The following STRBP variants were observed in gnomAD, a reference collection of about 807,000 sequenced individuals.
STRBP encodes the protein spermatid perinuclear RNA binding protein, also known as spermatid perinuclear RNA-binding protein.
Under a neutral mutation model 80.1 loss-of-function variants are expected in STRBP, and 13 were observed. The observed-to-expected ratio is 0.16, with a 90% CI of 0.11 to 0.26. STRBP has a LOEUF of 0.26. Ranked by LOEUF, STRBP falls within the 10% of genes least tolerant of loss-of-function variation. STRBP has a pLI of 1.00. For synonymous variants in STRBP, 284 were observed against 291.2 expected, an observed-to-expected ratio of 0.98 and a Z score of 0.25; for missense variants, 485 against 815.2, an observed-to-expected ratio of 0.59 and a Z score of 4.93.
chr9:123,146,566 G>T (rs1564234763), intron 13 of STRBP, among the ~76,000 whole-genome samples: 1 of 146,558 alleles, frequency 6.8e-6, no homozygotes, highest in Non-Finnish European at 1.5e-5. Context: ...AAAATGATGG[G>T]AAATAAACCA....
intron 1 of STRBP, among the ~76,000 whole-genome samples, chr9:123,259,966 G>T (rs1379316229): frequency 6.6e-6 from 1 of 152,228 alleles, no homozygotes; most frequent in Non-Finnish European, 1.5e-5. Flanking sequence ...CAGTAGAGTG[G>T]TGGGGTTAAA....
intron 1 of STRBP, among the ~76,000 whole-genome samples, chr9:123,265,021 A>G (rs943458705): frequency 4.6e-5 from 7 of 152,312 alleles, no homozygotes; most frequent in Admixed American, 2.0e-4. Context: ...TCCCTATATT[A>G]TATTGTATAC....
intron 2 of STRBP, among the ~76,000 whole-genome samples, chr9:123,199,198 T>C (rs939971299): frequency 6.6e-6 from 1 of 152,222 alleles, no homozygotes; most frequent in Non-Finnish European, 1.5e-5. Flanking sequence ...CCTCCCAAAG[T>C]GCTGGGATTA....
intron 2 of STRBP, among the ~76,000 whole-genome samples, chr9:123,219,725 T>C (rs972747382): frequency 1.3e-5 from 2 of 152,346 alleles, no homozygotes; most frequent in South Asian, 4.1e-4. Flanking sequence ...CACTATTTTC[T>C]AGCTGTGTGA....
intron 2 of STRBP, among the ~76,000 whole-genome samples, chr9:123,204,384 C>A (rs2039437660): frequency 6.6e-6 from 1 of 152,180 alleles, no homozygotes; most frequent in East Asian, 1.9e-4. Flanking sequence ...ACAAACAAAT[C>A]AAAGAGCAGG....
chr9:123,189,696 C>T (rs181675203), intron 2 of STRBP, among the ~76,000 whole-genome samples: 10 of 146,156 alleles, frequency 6.8e-5, no homozygotes, highest in Admixed American at 1.4e-4. Context: ...CAGGGCCTGT[C>T]GTGGGGTGGG....
At chr9:123,226,727 G>A (rs1037381052) in intron 2 of STRBP, among the ~76,000 whole-genome samples, 1 of 151,720 alleles carries the variant, frequency 6.6e-6, no homozygotes. Flanking sequence ...AGAAATCCCT[G>A]CCCTCATGGA....
At chr9:123,221,322 T>C (rs928401198) in intron 2 of STRBP, among the ~76,000 whole-genome samples, 6 of 152,172 alleles carry the variant, frequency 3.9e-5, no homozygotes, top group African/African-American at 1.4e-4. Flanking sequence ...AAAGACAGAA[T>C]AGGCATGCTC....
intron 2 of STRBP, among the ~76,000 whole-genome samples, chr9:123,219,217 C>A (rs1457216976): frequency 6.6e-6 from 1 of 152,190 alleles, no homozygotes; most frequent in Admixed American, 6.5e-5. Flanking sequence ...TATTTATAAT[C>A]TTCAGCTAGA....
chr9:123,124,870 G>T lies in STRBP; in HGVS notation c.*727C>A, dbSNP rs543466981. The T allele has an allele frequency of 1.9e-4, 190 of 985,464 alleles. No individual in the cohort carries two copies. In the Middle Eastern group the frequency reaches 2.1e-3, roughly 11 times the overall value. The allele number at this position is 985,464 out of a possible 1,614,324, so 61.0% of individuals were successfully genotyped here. On this transcript the variant is annotated 3_prime_UTR_variant, in exon 19 of 19. Coordinates refer to ENST00000348403, the MANE Select transcript of STRBP (RefSeq NM_018387.5). The stretch of plus-strand genomic sequence containing the variant: ...CATGGGGATGGCCCTTGTACAACAG[G>T]AGTACAAAGGGCTTACAAAGTGAGT...
intron 9 of STRBP, among the ~76,000 whole-genome samples, 183 bp downstream of exon 9, chr9:123,158,913 T>C (rs1226881028): frequency 6.6e-6 from 1 of 152,146 alleles, no homozygotes; most frequent in Non-Finnish European, 1.5e-5. Flanking sequence ...AAACACAAAT[T>C]ATAATTATTG....
chr9:123,204,469 T>A (rs1044897557), intron 2 of STRBP, among the ~76,000 whole-genome samples: 1 of 152,180 alleles, frequency 6.6e-6, no homozygotes, highest in African/African-American at 2.4e-5. Flanking sequence ...CGATCAAACA[T>A]GAAATAGCAC....
intron 16 of STRBP, among the ~76,000 whole-genome samples, chr9:123,135,082 T>C (rs1179039445): frequency 6.6e-6 from 1 of 152,194 alleles, no homozygotes; most frequent in African/African-American, 2.4e-5. Flanking sequence ...TCCATGGCCT[T>C]TGGGAGAACT....
At chr9:123,161,485 C>G (rs906793119) in intron 6 of STRBP, among the ~76,000 whole-genome samples, 18 of 152,138 alleles carry the variant, frequency 1.2e-4, no homozygotes, top group African/African-American at 3.9e-4. Context: ...ATTTTAATCT[C>G]TAACCATCTT....
In STRBP at chr9:123,123,630, A is replaced by C; in HGVS notation, c.*1967T>G. On this transcript the variant is annotated 3_prime_UTR_variant, in exon 19 of 19. Transcript: ENST00000348403. ...CCTTTTCACCATTACAGAGCGCGTG[A>C]GTTATGAAGCAGAGTCAGCTACTTC... 1 of 985,390 alleles carries C rather than the reference A, an allele frequency of 1.0e-6. No homozygotes were observed. The highest frequency in any genetic ancestry group is 1.7e-5 in the African/African-American group (1 of 57,356). 61.0% of individuals were successfully genotyped at this position (985,390 alleles called of 1,614,324 possible). A position where few individuals can be genotyped will look rare whatever the true frequency, so the allele number is the denominator to read the frequency against.
At chr9:123,213,152 T>C (rs1009364441) in intron 2 of STRBP, among the ~76,000 whole-genome samples, 2 of 152,202 alleles carry the variant, frequency 1.3e-5, no homozygotes, top group Non-Finnish European at 2.9e-5. Context: ...GTCATGGTAG[T>C]AGTTTGAAAA....
chr9:123,246,949 A>T (rs906245017), intron 1 of STRBP, among the ~76,000 whole-genome samples: 5 of 152,250 alleles, frequency 3.3e-5, no homozygotes, highest in Non-Finnish European at 7.3e-5. Flanking sequence ...TCTCACCAAT[A>T]TAGTAAAATA....
At chr9:123,228,057 G>A (rs1042170417) in intron 2 of STRBP, among the ~76,000 whole-genome samples, 19 of 152,176 alleles carry the variant, frequency 1.2e-4, no homozygotes, top group South Asian at 4.1e-4. Context: ...TGAGGTCAAC[G>A]AGACTTCCTA....
chr9:123,253,751 T>C (rs889125322), intron 1 of STRBP, among the ~76,000 whole-genome samples: 3 of 152,246 alleles, frequency 2.0e-5, no homozygotes, highest in Admixed American at 6.5e-5. Flanking sequence ...CACTATTAAA[T>C]AGCATAAGAA....
Sources: gnomAD v4.1 joint callset for allele counts (sites outside exome capture counted in the v4.1 genomes callset) on GRCh38, gnomAD v4.1.1 for gene constraint, MANE v1.5 for transcripts, NCBI Gene and HGNC (gene_info 2026-07-23, HGNC 2026-07-21) for gene names.